The following CTNNA3 variants were observed in gnomAD, a reference collection of about 807,000 sequenced individuals.
CTNNA3 encodes the protein catenin alpha 3, also known as catenin alpha-3.
Under a neutral mutation model 95.7 loss-of-function variants are expected in CTNNA3, and 76 were observed. The observed-to-expected ratio is 0.79, with a 90% CI of 0.66 to 0.96. The LOEUF is 0.96. Ranked by LOEUF, CTNNA3 falls within the 40% of genes least tolerant of loss-of-function variation. CTNNA3 has a pLI of 0.00. For synonymous variants in CTNNA3, 431 were observed against 374.4 expected (o/e 1.15, Z -1.74); for missense variants, 1,191 against 1,089.8 (o/e 1.09, Z -1.31).
chr10:67,379,945 CG>C (rs1843863738), intron 5 of CTNNA3, among the ~76,000 whole-genome samples: 1 of 147,936 alleles, frequency 6.8e-6, no homozygotes, highest in African/African-American at 2.5e-5. Context: ...GGTGTGAACC[CG>C]GGAGGCGGAG....
intron 2 of CTNNA3, among the ~76,000 whole-genome samples, chr10:67,633,917 T>C (rs941192362): frequency 2.6e-5 from 4 of 152,082 alleles, no homozygotes; most frequent in African/African-American, 9.7e-5. Context: ...CAGGATATCA[T>C]CCAGGAGAAC....
intron 5 of CTNNA3, among the ~76,000 whole-genome samples, chr10:67,237,070 T>G (rs1379241961): frequency 7.2e-6 from 1 of 138,920 alleles, no homozygotes; most frequent in Non-Finnish European, 1.5e-5. Context: ...TGGAAAATTG[T>G]GGAACCAACC....
chr10:67,676,560 G>A lies in CTNNA3; in HGVS notation c.-6+19440C>T, dbSNP rs140550162. Among the ~76,000 whole-genome samples, 87 of 152,190 alleles carry A rather than the reference G, an allele frequency of 5.7e-4. No homozygotes were observed. In the East Asian group the frequency reaches 0.016, roughly 27 times the overall value. On this transcript the variant is annotated intron_variant, in intron 1 of 17. Coordinates refer to ENST00000433211, the MANE Select transcript of CTNNA3 (RefSeq NM_013266.4). ...TCTCTCAAATTGTTCAAAAACTCTGGGGGCATCTTCATTCACATGCCACAG... is the reference window on the plus strand; with the variant it reads ...TCTCTCAAATTGTTCAAAAACTCTGAGGGCATCTTCATTCACATGCCACAG...
At chr10:67,485,372 G>T (rs564726107) in intron 5 of CTNNA3, among the ~76,000 whole-genome samples, 20 of 152,252 alleles carry the variant, frequency 1.3e-4, no homozygotes, top group Middle Eastern at 3.4e-3. Context: ...AGTAATAGCT[G>T]AAAAACTACC....
chr10:67,484,089 C>CTA (rs1848353347), intron 5 of CTNNA3, among the ~76,000 whole-genome samples: 1 of 152,168 alleles, frequency 6.6e-6, no homozygotes, highest in South Asian at 2.1e-4. Context: ...TACTCTAAGG[C>CTA]TACAGTAACC....
chr10:67,255,400 A>G (rs993667365), intron 5 of CTNNA3, among the ~76,000 whole-genome samples: 7 of 152,158 alleles, frequency 4.6e-5, no homozygotes, highest in African/African-American at 1.7e-4. Flanking sequence ...ATCTTAGTCA[A>G]ATAATATGCA....
At chr10:66,355,166 C>G (rs1273804593) in intron 12 of CTNNA3, among the ~76,000 whole-genome samples, 1 of 152,006 alleles carries the variant, frequency 6.6e-6, no homozygotes, top group Non-Finnish European at 1.5e-5. Flanking sequence ...TACAACTTAA[C>G]TGAGAGCTCA....
rs569416558 is a variant in CTNNA3 at position 66,011,952 on chromosome 10, G to A, written c.2160-23155C>T. Among the ~76,000 whole-genome samples the A allele has an allele frequency of 2.0e-5, 3 of 152,248 alleles. No individual in the cohort carries two copies. In the East Asian group the frequency reaches 5.8e-4, roughly 29 times the overall value. On this transcript the variant is annotated intron_variant, in intron 15 of 17. Transcript: ENST00000433211. ...GAATAAGGCTGGGGCCCTGCTGTCT[G>A]CAACATAGAATGACTGGATGAAAAT...
At chr10:66,918,324 C>T (rs779402301) in intron 7 of CTNNA3, among the ~76,000 whole-genome samples, 12 of 152,122 alleles carry the variant, frequency 7.9e-5, no homozygotes, top group Admixed American at 5.9e-4. Context: ...TGCCATTTAG[C>T]GCATTCCTGA....
intron 10 of CTNNA3, among the ~76,000 whole-genome samples, chr10:66,557,337 T>C (rs940103359): frequency 2.6e-5 from 4 of 152,142 alleles, no homozygotes; most frequent in African/African-American, 9.7e-5. Context: ...ATGACTACTA[T>C]AAATAAATGA....
In CTNNA3 at chr10:67,752,943, C is replaced by T. The variant is rs553973959; in HGVS notation, c.-2+10491G>A. ...TGCTATTCCCATTAAACTACCATTG[C>T]CGTTTTTCAAAAAATTAGAAAAAAC... On this transcript the variant is annotated intron_variant, in intron 1 of 17. Transcript: ENST00000684154. Among the ~76,000 whole-genome samples the T allele has an allele frequency of 3.9e-5, 6 of 152,144 alleles. 1 individual carries two copies. The highest frequency in any genetic ancestry group is 4.1e-4 in the South Asian group (2 of 4,824).
At chr10:66,525,823 A>G (rs1216788233) in intron 10 of CTNNA3, among the ~76,000 whole-genome samples, 2 of 152,110 alleles carry the variant, frequency 1.3e-5, no homozygotes, top group East Asian at 3.9e-4. Context: ...CCTTCCCCCT[A>G]GTACCTAGTA....
chr10:67,433,642 T>A (rs1846198706), intron 5 of CTNNA3, among the ~76,000 whole-genome samples: 1 of 152,086 alleles, frequency 6.6e-6, no homozygotes, highest in Non-Finnish European at 1.5e-5. Flanking sequence ...AAGAATTCAA[T>A]GTATTGAATG....
At chr10:66,448,252 T>C (rs1270638229) in intron 11 of CTNNA3, among the ~76,000 whole-genome samples, 2 of 152,206 alleles carry the variant, frequency 1.3e-5, no homozygotes, top group Non-Finnish European at 2.9e-5. Context: ...GTTCAACCAT[T>C]GTGGAAGTCA....
chr10:67,559,151 G>A lies in CTNNA3; in HGVS notation c.293-19482C>T, dbSNP rs576379044. Among the ~76,000 whole-genome samples the A allele has an allele frequency of 1.8e-4, 28 of 152,328 alleles. No homozygotes were observed. In the East Asian group the frequency reaches 4.4e-3, roughly 24 times the overall value. On this transcript the variant is annotated intron_variant, in intron 3 of 17. Coordinates refer to ENST00000433211, the MANE Select transcript of CTNNA3 (RefSeq NM_013266.4). Reference sequence around the variant, plus strand: ...AAGAGAGCAGTGCTTCTCCCAGCACGCAGCTGGAGATCTGAGAACAGGCAG... The same window carrying A: ...AAGAGAGCAGTGCTTCTCCCAGCACACAGCTGGAGATCTGAGAACAGGCAG...
At chr10:66,266,100 AGAGG>A (rs1241918674) in intron 13 of CTNNA3, among the ~76,000 whole-genome samples, 1 of 149,072 alleles carries the variant, frequency 6.7e-6, no homozygotes, top group Non-Finnish European at 1.5e-5. Context: ...GGAGAGAAAG[AGAGG>A]GAGGAAGGAA....
intron 6 of CTNNA3, among the ~76,000 whole-genome samples, chr10:67,192,147 G>A (rs1863147005): frequency 6.6e-6 from 1 of 151,738 alleles, no homozygotes; most frequent in Non-Finnish European, 1.5e-5. Flanking sequence ...GAAAACATAG[G>A]GTAAAAGATT....
At chr10:66,213,642 A>G (rs1002170605) in intron 13 of CTNNA3, among the ~76,000 whole-genome samples, 1 of 152,184 alleles carries the variant, frequency 6.6e-6, no homozygotes, top group African/African-American at 2.4e-5. Context: ...GGCCTCCTAA[A>G]TCAGTTTTGG....
chr10:66,699,426 T>A (rs1038318524), intron 9 of CTNNA3, among the ~76,000 whole-genome samples: 2 of 152,060 alleles, frequency 1.3e-5, no homozygotes, highest in Non-Finnish European at 2.9e-5. Flanking sequence ...ATAACAGCCA[T>A]CTTAATAGGT....
Sources: allele counts gnomAD v4.1 joint callset (sites outside exome capture counted in the v4.1 genomes callset), GRCh38; gene constraint gnomAD v4.1.1; transcripts MANE v1.5; gene names NCBI Gene and HGNC (gene_info 2026-07-23, HGNC 2026-07-21).